Variants in CSDC2 observed in about 807,000 individuals in gnomAD.
CSDC2 encodes cold shock domain containing C2.
CSDC2 carries 8 observed loss-of-function variants against 15.8 expected under a neutral mutation model. That is an observed-to-expected ratio of 0.51 (90% CI 0.30 to 0.92). The LOEUF is 0.92. Ranked by LOEUF, CSDC2 falls within the 40% of genes least tolerant of loss-of-function variation. CSDC2 has a pLI of 0.07. For synonymous variants in CSDC2, 96 were observed against 92.3 expected, an observed-to-expected ratio of 1.04 and a Z score of -0.23; for missense variants, 195 against 213.3, an observed-to-expected ratio of 0.91 and a Z score of 0.53.
At chr22:41,567,580 GGCATTGTACAGCTCCTCCAAGCCCAC>G (rs1289534948) in intron 1 of CSDC2, among the ~76,000 whole-genome samples, 1 of 152,202 alleles carries the variant, frequency 6.6e-6, no homozygotes, top group Non-Finnish European at 1.5e-5. Context: ...CGGGCTGCTG[GGCATTGTACAGCTCCTCCAAGCCCAC>G]GCCCTGGCAG....
Position 41,571,964 on chromosome 22 carries a change from C to A in CSDC2, c.-2C>A, listed in dbSNP as rs372621846. On this transcript the variant is annotated 5_prime_UTR_variant, in exon 2 of 4. Transcript: ENST00000306149. ...CCACCAGGCTCTCCTGCTGGCCCCACCATGACTTCAGAGTCGACGTCACCC... is the reference window on the plus strand; with the variant it reads ...CCACCAGGCTCTCCTGCTGGCCCCAACATGACTTCAGAGTCGACGTCACCC... The A allele has an allele frequency of 7.2e-5, 96 of 1,340,838 alleles. No individual in the cohort carries two copies. Among genetic ancestry groups the A allele is most frequent in the Non-Finnish European group, 8.8e-5 (92 of 1,042,252 alleles). The allele number at this position is 1,340,838 out of a possible 1,614,324, so 83.1% of individuals were successfully genotyped here.
Position 41,576,440 on chromosome 22 carries a change from G to T in CSDC2, c.*1545G>T, listed in dbSNP as rs1172627893. 1 of 152,408 alleles carries T rather than the reference G, an allele frequency of 6.6e-6. No homozygotes were observed. The highest frequency in any genetic ancestry group is 1.5e-5 in the Non-Finnish European group (1 of 68,218). The allele number at this position is 152,408 out of a possible 1,614,324, so 9.4% of individuals were successfully genotyped here. ...CTTGTTGGTGAGGGCTGACTCCTGG[G>T]GGCCCCCAAGGCTCCCCTCCTGTGG... On this transcript the variant is annotated 3_prime_UTR_variant, in exon 4 of 4. Transcript: ENST00000306149.
intron 2 of CSDC2, among the ~76,000 whole-genome samples, chr22:41,573,230 C>T (rs2067157337): frequency 1.3e-5 from 2 of 152,142 alleles, no homozygotes; most frequent in South Asian, 2.1e-4. Context: ...TGGTGGGTGC[C>T]TGTAATCCCA....
At chr22:41,568,069 T>G (rs959408686) in intron 1 of CSDC2, among the ~76,000 whole-genome samples, 1 of 150,570 alleles carries the variant, frequency 6.6e-6, no homozygotes, top group Non-Finnish European at 1.5e-5. Context: ...ACATCCCACC[T>G]CAATTCTCAT....
chr22:41,574,850 C>G lies in CSDC2; in HGVS notation c.417C>G (p.Pro139=), dbSNP rs780577694. ...AVEVVLTQLA[P]HTPHETWSGQ... ...AGGTGGTGCTCACTCAGCTGGCCCC[C>G]CACACTCCCCACGAGACGTGGTCTG... is the stretch of plus-strand genomic sequence containing the variant. Residue 139 remains proline (P), a synonymous_variant, in exon 4 of 4, where the codon CCC becomes CCG. Coordinates refer to ENST00000306149, the MANE Select transcript of CSDC2 (RefSeq NM_014460.4). 2 of 1,610,204 alleles carry G rather than the reference C, an allele frequency of 1.2e-6. No individual in the cohort carries two copies. The highest frequency in any genetic ancestry group is 2.2e-5 in the East Asian group (1 of 44,660).
chr22:41,562,478 T>C (rs1359104317), intron 1 of CSDC2, among the ~76,000 whole-genome samples: 1 of 150,878 alleles, frequency 6.6e-6, no homozygotes, highest in African/African-American at 2.4e-5. Flanking sequence ...GAGGACAGTT[T>C]TGGCCACAGA....
intron 1 of CSDC2, among the ~76,000 whole-genome samples, chr22:41,567,786 T>C (rs1000383062): frequency 6.6e-6 from 1 of 152,264 alleles, no homozygotes; most frequent in Non-Finnish European, 1.5e-5. Flanking sequence ...TTTAACCTCT[T>C]TGAGCCTCGA....
chr22:41,572,939 AGTC>A (rs2067155579), intron 2 of CSDC2, among the ~76,000 whole-genome samples: 3 of 152,154 alleles, frequency 2.0e-5, no homozygotes, highest in Non-Finnish European at 4.4e-5. Flanking sequence ...GCAGTGGTGC[AGTC>A]ATGGCTCACT....
Position 41,572,121 on chromosome 22 carries a change from G to GA in CSDC2, c.156_157insA (p.Arg53ThrfsTer22), listed in dbSNP as rs1471918660. The GA allele has an allele frequency of 1.6e-5, 22 of 1,346,874 alleles. No individual in the cohort carries two copies. Among genetic ancestry groups the GA allele is most frequent in the Non-Finnish European group, 2.0e-5 (21 of 1,043,818 alleles). 83.4% of individuals were successfully genotyped at this position (1,346,874 alleles called of 1,614,324 possible). A position where few individuals can be genotyped will look rare whatever the true frequency, so the allele number is the denominator to read the frequency against. Reference sequence around the variant, plus strand: ...ACCTACCCAGCCCTCTGCCCACCAAGCGGACCAGGACCTATTCAGCGTGAG... The same window carrying GA: ...ACCTACCCAGCCCTCTGCCCACCAAGACGGACCAGGACCTATTCAGCGTGAG... On this transcript the variant is annotated frameshift_variant, in exon 2 of 4. Coordinates refer to ENST00000306149, the MANE Select transcript of CSDC2 (RefSeq NM_014460.4). LOFTEE classifies it high-confidence loss of function.
rs977808856 is a variant in CSDC2 at position 41,564,062 on chromosome 22, C to T, written c.-124+2879C>T. 5.8e-5 allele frequency among the ~76,000 whole-genome samples: 8 copies of T among 137,008 alleles called. No individual in the cohort carries two copies. In the East Asian group the frequency reaches 1.3e-3, roughly 23 times the overall value. The allele number at this position is 137,008 out of a possible 152,430, so 89.9% of individuals were successfully genotyped here. A position where few individuals can be genotyped will look rare whatever the true frequency, so the allele number is the denominator to read the frequency against. On this transcript the variant is annotated intron_variant, in intron 1 of 3. Transcript: ENST00000306149. ...TCGCACCACTGCACTCCAGCCTGGG[C>T]GACACAGCAAGACTCCATCTCAATT...
chr22:41,564,320 C>G lies in CSDC2; in HGVS notation c.-124+3137C>G, dbSNP rs577848629. 2.9e-3 allele frequency among the ~76,000 whole-genome samples: 435 copies of G among 151,836 alleles called. 1 individual carries two copies. The highest frequency in any genetic ancestry group is 5.3e-3 in the Non-Finnish European group (359 of 67,930). Reference sequence around the variant, plus strand: ...TGTCGCCCAGGCTGGAGTGCAGTGGCGCGATCTCGGCTCACTGCAAGCTCC... The same window carrying G: ...TGTCGCCCAGGCTGGAGTGCAGTGGGGCGATCTCGGCTCACTGCAAGCTCC... On this transcript the variant is annotated intron_variant, in intron 1 of 3. Coordinates refer to ENST00000306149, the MANE Select transcript of CSDC2 (RefSeq NM_014460.4).
At chr22:41,574,529 T>G (rs536802766) in intron 3 of CSDC2, among the ~76,000 whole-genome samples, 1 of 152,202 alleles carries the variant, frequency 6.6e-6, no homozygotes, top group Non-Finnish European at 1.5e-5. Flanking sequence ...ACTCCCAAAG[T>G]GCTGGGATTA....
intron 3 of CSDC2, 142 bp from the exon 4 acceptor site, chr22:41,574,591 G>A: frequency 1.1e-6 from 1 of 921,212 alleles, no homozygotes; most frequent in South Asian, 1.7e-5. Context: ...AGATTCGAGA[G>A]CTGAGGTTCT....
At position 41,561,012 on chromosome 22, in the gene CSDC2, GGGGCTGAGGTACCGCCC is replaced by G; in HGVS notation, c.-293_-277del. Reference sequence around the variant, plus strand: ...AGCTGGAAGGCGTGTGAGTGAGTGAGGGGCTGAGGTACCGCCCGCGCGAGCACACACAGACACACACA... The same window carrying G: ...AGCTGGAAGGCGTGTGAGTGAGTGAGGCGCGAGCACACACAGACACACACA... On this transcript the variant is annotated 5_prime_UTR_variant, in exon 1 of 4. Transcript: ENST00000306149. 6.5e-6 allele frequency: 1 copy of G among 152,850 alleles called. No individual in the cohort carries two copies. The highest frequency in any genetic ancestry group is 1.9e-4 in the East Asian group (1 of 5,204). The allele number at this position is 152,850 out of a possible 1,614,324, so 9.5% of individuals were successfully genotyped here. A position where few individuals can be genotyped will look rare whatever the true frequency, so the allele number is the denominator to read the frequency against.
In CSDC2 at chr22:41,571,834, C is replaced by T. The variant is rs1335454696; in HGVS notation, c.-123-9C>T. ...TAGGCTCACCTGTGCCTCTTTCTTC[C>T]TCTTCCAGACGGAGCCCGTGGCTGG... On this transcript the variant is annotated splice_polypyrimidine_tract_variant and intron_variant, in intron 1 of 3. Coordinates refer to ENST00000306149, the MANE Select transcript of CSDC2 (RefSeq NM_014460.4). 3 of 516,752 alleles carry T rather than the reference C, an allele frequency of 5.8e-6. No homozygotes were observed. Among genetic ancestry groups the T allele is most frequent in the Non-Finnish European group, 9.4e-6 (3 of 320,692 alleles). 32.0% of individuals were successfully genotyped at this position (516,752 alleles called of 1,614,324 possible). A position where few individuals can be genotyped will look rare whatever the true frequency, so the allele number is the denominator to read the frequency against.
intron 1 of CSDC2, among the ~76,000 whole-genome samples, chr22:41,571,121 G>A (rs2067143478): frequency 6.6e-6 from 1 of 152,138 alleles, no homozygotes; most frequent in South Asian, 2.1e-4. Context: ...GGGAGACCAA[G>A]GTGGGCAGAT....
rs1409218426 is a variant in CSDC2, at chr22:41,576,247, C to T, written c.*1352C>T. ...CCTTGCCTTGTAGGTGCCCCAAGAC[C>T]GCAGGGTAGAAATCAGCCGGGATGC... is the stretch of plus-strand genomic sequence containing the variant. On this transcript the variant is annotated 3_prime_UTR_variant, in exon 4 of 4. Coordinates refer to ENST00000306149, the MANE Select transcript of CSDC2 (RefSeq NM_014460.4). 6.6e-6 allele frequency: 1 copy of T among 152,230 alleles called. No individual in the cohort carries two copies. Among genetic ancestry groups the T allele is most frequent in the African/African-American group, 2.4e-5 (1 of 41,416 alleles). The allele number at this position is 152,230 out of a possible 1,614,324, so 9.4% of individuals were successfully genotyped here. A position where few individuals can be genotyped will look rare whatever the true frequency, so the allele number is the denominator to read the frequency against.
chr22:41,573,513 G>A (rs576662068), intron 2 of CSDC2, 142 bp from the exon 3 acceptor site: 2 of 954,306 alleles, frequency 2.1e-6, no homozygotes, highest in Non-Finnish European at 3.1e-6. Flanking sequence ...ATCGTTGAAT[G>A]GGGATGACTG....
Position 41,571,226 on chromosome 22 carries a change from C to A in CSDC2, c.-123-617C>A, listed in dbSNP as rs542317843. On this transcript the variant is annotated intron_variant, in intron 1 of 3. Coordinates refer to ENST00000306149, the MANE Select transcript of CSDC2 (RefSeq NM_014460.4). ...AAAATCAGCCAGGTGTGGTGGCAGG[C>A]GCCTGTAATCCCAGCTACTCAGGAG... is the stretch of plus-strand genomic sequence containing the variant. Among the ~76,000 whole-genome samples the A allele has an allele frequency of 4.6e-5, 7 of 151,584 alleles. No individual in the cohort carries two copies. In the South Asian group the frequency reaches 1.5e-3, roughly 32 times the overall value.
Sources: gnomAD v4.1 joint callset for allele counts (sites outside exome capture counted in the v4.1 genomes callset) on GRCh38, gnomAD v4.1.1 for gene constraint, MANE v1.5 for transcripts, NCBI Gene and HGNC (gene_info 2026-07-23, HGNC 2026-07-21) for gene names.